PTPRD: variants seen among roughly 807,000 people sequenced by gnomAD.
The protein encoded by PTPRD is receptor-type tyrosine-protein phosphatase delta.
PTPRD carries 34 observed loss-of-function variants against 214.5 expected under a neutral mutation model. The observed-to-expected ratio is 0.16, with a 90% CI of 0.12 to 0.21. PTPRD has a LOEUF of 0.21. Ranked by LOEUF, PTPRD falls within the 10% of genes least tolerant of loss-of-function variation. PTPRD has a pLI of 1.00. For missense variants in PTPRD, 2,545 were observed against 2,398.7 expected, an observed-to-expected ratio of 1.06 and a Z score of -1.27; for synonymous variants, 1,128 against 845.7, an observed-to-expected ratio of 1.33 and a Z score of -5.79.
intron 33 of PTPRD, chr9:8,454,516 C>A: frequency 6.3e-7 from 1 of 1,580,474 alleles, no homozygotes; most frequent in South Asian, 1.1e-5. Context: ...TTCAACAACT[C>A]TGAAGTCTAC....
chr9:9,711,693 G>C (rs1398138146), intron 7 of PTPRD, among the ~76,000 whole-genome samples: 2 of 152,158 alleles, frequency 1.3e-5, no homozygotes, highest in East Asian at 3.9e-4. Context: ...GAACTGGCTA[G>C]TTACTACTAC....
chr9:9,344,559 G>A (rs1472671645), intron 9 of PTPRD, among the ~76,000 whole-genome samples: 1 of 151,494 alleles, frequency 6.6e-6, no homozygotes, highest in African/African-American at 2.4e-5. Flanking sequence ...ATATATATAT[G>A]CATTTGTGAT....
At chr9:8,455,005 G>T (rs921754613) in intron 33 of PTPRD, among the ~76,000 whole-genome samples, 1 of 152,046 alleles carries the variant, frequency 6.6e-6, no homozygotes, top group Admixed American at 6.6e-5. Flanking sequence ...TTCCATAAAA[G>T]AAATTCGTTC....
chr9:9,616,466 G>C (rs2094871006), intron 7 of PTPRD, among the ~76,000 whole-genome samples: 2 of 152,042 alleles, frequency 1.3e-5, no homozygotes, highest in African/African-American at 2.4e-5. Flanking sequence ...AATACATAAA[G>C]TTGTTCAAGT....
rs1357732011 is a variant in PTPRD, at chr9:8,611,947, GAGAAAACAAA to G, written c.352+21360_352+21369del. Among the ~76,000 whole-genome samples, 17 of 98,346 alleles carry G rather than the reference GAGAAAACAAA, an allele frequency of 1.7e-4. No homozygotes were observed. The East Asian group carries it at 1.8e-3, about 10-fold the overall frequency. The allele number at this position is 98,346 out of a possible 152,430, so 64.5% of individuals were successfully genotyped here. ...CTTGTGAAAAGAAAAGAAAAGAAAAGAGAAAACAAAAGAAAACAAAAGAGGGGAGGGGAGG... is the reference window on the plus strand; with the variant it reads ...CTTGTGAAAAGAAAAGAAAAGAAAAGAGAAAACAAAAGAGGGGAGGGGAGG... On this transcript the variant is annotated intron_variant, in intron 14 of 45. Coordinates refer to ENST00000381196, the MANE Select transcript of PTPRD (RefSeq NM_002839.4).
intron 9 of PTPRD, among the ~76,000 whole-genome samples, chr9:9,296,452 T>C (rs762199215): frequency 2.0e-4 from 30 of 151,840 alleles, no homozygotes; most frequent in Non-Finnish European, 4.0e-4. Context: ...GACCATATGT[T>C]CAAATATATG....
intron 6 of PTPRD, among the ~76,000 whole-genome samples, chr9:9,765,954 G>A (rs142863120): frequency 1.1e-4 from 16 of 152,248 alleles, no homozygotes; most frequent in Non-Finnish European, 1.9e-4. Context: ...GAGCCACCGC[G>A]CCCAGCCCGT....
At chr9:8,788,189 G>A (rs1566063853) in intron 11 of PTPRD, among the ~76,000 whole-genome samples, 1 of 150,312 alleles carries the variant, frequency 6.7e-6, no homozygotes. Context: ...AGCAAAAAAT[G>A]GTTATGAGTA....
chr9:10,239,611 G>A (rs1043419270), intron 3 of PTPRD, among the ~76,000 whole-genome samples: 6 of 85,028 alleles, frequency 7.1e-5, no homozygotes, highest in Non-Finnish European at 2.1e-4. Context: ...AGCTGTGATA[G>A]CAGAATAATA....
At chr9:9,209,302 C>T (rs975170136) in intron 9 of PTPRD, among the ~76,000 whole-genome samples, 4 of 152,034 alleles carry the variant, frequency 2.6e-5, no homozygotes, top group Non-Finnish European at 4.4e-5. Flanking sequence ...CCTGTGTTTC[C>T]TCAGTAAATA....
At chr9:8,740,819 T>C (rs894638590) in intron 11 of PTPRD, among the ~76,000 whole-genome samples, 7 of 152,202 alleles carry the variant, frequency 4.6e-5, no homozygotes, top group Admixed American at 2.0e-4. Flanking sequence ...CATCTCATTT[T>C]TGGCTTAGGC....
chr9:9,727,056 G>C (rs1381019798), intron 7 of PTPRD, among the ~76,000 whole-genome samples: 1 of 152,118 alleles, frequency 6.6e-6, no homozygotes, highest in Non-Finnish European at 1.5e-5. Context: ...ATTTAGGACA[G>C]GAGGCAAGAA....
At chr9:8,830,508 G>C (rs1434255) in intron 11 of PTPRD, among the ~76,000 whole-genome samples, 71,102 of 151,852 alleles carry the variant, frequency 0.47, 17,224 homozygotes, top group African/African-American at 0.6. Context: ...ATCGAATCAT[G>C]GACAGATGAG....
chr9:10,498,057 A>T (rs1387580857), intron 2 of PTPRD, among the ~76,000 whole-genome samples: 1 of 151,974 alleles, frequency 6.6e-6, no homozygotes, highest in African/African-American at 2.4e-5. Context: ...CTTCATGCAT[A>T]ATTTATAATC....
chr9:9,107,816 T>C (rs967725747), intron 10 of PTPRD, among the ~76,000 whole-genome samples: 30 of 152,294 alleles, frequency 2.0e-4, no homozygotes, highest in South Asian at 8.3e-4. Context: ...ACCTTCAGGA[T>C]TGATGACTCA....
At chr9:9,895,646 A>C (rs1390602673) in intron 5 of PTPRD, among the ~76,000 whole-genome samples, 1 of 152,046 alleles carries the variant, frequency 6.6e-6, no homozygotes, top group Admixed American at 6.6e-5. Context: ...GTTACACAGG[A>C]GGAATATGTT....
intron 30 of PTPRD, among the ~76,000 whole-genome samples, chr9:8,478,949 A>G (rs1388936370): frequency 6.6e-6 from 1 of 152,184 alleles, no homozygotes; most frequent in Admixed American, 6.5e-5. Context: ...AATCACCAAA[A>G]CTGCATTTTG....
intron 8 of PTPRD, among the ~76,000 whole-genome samples, chr9:9,467,196 G>C (rs1424715365): frequency 6.9e-6 from 1 of 144,012 alleles, no homozygotes; most frequent in African/African-American, 2.6e-5. Context: ...ATCATATAGA[G>C]ATGATGGTTC....
At chr9:9,647,331 G>A (rs367698004) in intron 7 of PTPRD, among the ~76,000 whole-genome samples, 1 of 151,990 alleles carries the variant, frequency 6.6e-6, no homozygotes, top group Admixed American at 6.6e-5. Flanking sequence ...TTTTGTATCT[G>A]ATTCTGTTTC....
Sources: gnomAD v4.1 joint callset for allele counts (sites outside exome capture counted in the v4.1 genomes callset) on GRCh38, gnomAD v4.1.1 for gene constraint, MANE v1.5 for transcripts, NCBI Gene and HGNC (gene_info 2026-07-23, HGNC 2026-07-21) for gene names.